Variants in DLX4 observed in about 807,000 individuals in gnomAD.
The protein encoded by DLX4 is homeobox protein DLX-4.
A neutral mutation model predicts 17.1 loss-of-function variants in DLX4; 13 were observed. The ratio of observed to expected loss-of-function variants is 0.76; its 90% confidence interval spans 0.49 to 1.21. The LOEUF (loss-of-function observed/expected upper bound fraction) is 1.21, where lower values mean the gene tolerates loss of function less well. DLX4 is among the 50% of genes most tolerant of loss of function. The pLI is 0.00. For missense variants in DLX4, 297 were observed against 301.4 expected (o/e 0.99, Z 0.11); for synonymous variants, 129 against 140.3 (o/e 0.92, Z 0.57).
Position 49,972,775 on chromosome 17 carries a change from C to G in DLX4, c.284-298C>G. On this transcript the variant is annotated intron_variant, in intron 1 of 2. Coordinates refer to ENST00000240306, the MANE Select transcript of DLX4 (RefSeq NM_138281.3). This position sits in a 1 kb window ranked among gnomAD's most constrained non-coding sequence, Gnocchi z 5.4. The stretch of plus-strand genomic sequence containing the variant: ...GAACTCCGACCTCCCACCGCAGGCG[C>G]CGCGGTACCCTGGCTGTGGCCCTCG... 7.2e-7 allele frequency: 1 copy of G among 1,388,208 alleles called. No homozygotes were observed. The highest frequency in any genetic ancestry group is 9.3e-7 in the Non-Finnish European group (1 of 1,077,342). 86.0% of individuals were successfully genotyped at this position (1,388,208 alleles called of 1,614,324 possible).
chr17:49,969,065 C>A (rs1039964930), upstream of DLX4: 4 of 183,382 alleles, frequency 2.2e-5, no homozygotes, highest in Non-Finnish European at 4.4e-5. Context: ...GCATGCGCAC[C>A]GCCCCTCTCC....
At position 49,972,743 on chromosome 17, in the gene DLX4, C is replaced by A. The variant is rs1905552642; in HGVS notation, c.284-330C>A. 2 of 1,382,548 alleles carry A rather than the reference C, an allele frequency of 1.4e-6. No individual in the cohort carries two copies. Among genetic ancestry groups the A allele is most frequent in the Non-Finnish European group, 1.9e-6 (2 of 1,074,322 alleles). The allele number at this position is 1,382,548 out of a possible 1,614,324, so 85.6% of individuals were successfully genotyped here. Reference sequence around the variant, plus strand: ...CCTACCCCAAGCTGGCGCCACCGCCCGTGGCTGAACTCCGACCTCCCACCG... The same window carrying A: ...CCTACCCCAAGCTGGCGCCACCGCCAGTGGCTGAACTCCGACCTCCCACCG... On this transcript the variant is annotated intron_variant, in intron 1 of 2. Coordinates refer to ENST00000240306, the MANE Select transcript of DLX4 (RefSeq NM_138281.3). The surrounding 1 kb of genome is among the most constrained non-coding windows in gnomAD (Gnocchi z 5.4).
At position 49,974,498 on chromosome 17, in the gene DLX4, G is replaced by T. The variant is rs1396062365; in HGVS notation, c.*555G>T. 1.3e-5 allele frequency: 2 copies of T among 149,366 alleles called. No individual in the cohort carries two copies. The highest frequency in any genetic ancestry group is 3.0e-5 in the Non-Finnish European group (2 of 67,744). 9.3% of individuals were successfully genotyped at this position (149,366 alleles called of 1,614,324 possible). ...AGGTCAGCCCGTTACCCCCATAACT[G>T]ATTTACCTACTTACCATACTGGGAG... On this transcript the variant is annotated 3_prime_UTR_variant, in exon 3 of 3. Transcript: ENST00000240306.
At position 49,969,361 on chromosome 17, in the gene DLX4, T is replaced by C. The variant is rs1355075054; in HGVS notation, c.-108T>C. 3 of 1,298,930 alleles carry C rather than the reference T, an allele frequency of 2.3e-6. No individual in the cohort carries two copies. The allele number at this position is 1,298,930 out of a possible 1,614,324, so 80.5% of individuals were successfully genotyped here. A position where few individuals can be genotyped will look rare whatever the true frequency, so the allele number is the denominator to read the frequency against. On this transcript the variant is annotated 5_prime_UTR_variant, in exon 1 of 3. Transcript: ENST00000240306. ...CCGGGATCTTAAGTGTGGGGGCTGC[T>C]GGCTGGGGGGCCCGTCCGGCCCAAC...
At chr17:49,971,464 C>T (rs1369630802) in intron 1 of DLX4, among the ~76,000 whole-genome samples, 3 of 152,090 alleles carry the variant, frequency 2.0e-5, no homozygotes, top group Non-Finnish European at 2.9e-5. Flanking sequence ...GAGCAGCGGG[C>T]CTGGAGGGAG....
Position 49,972,928 on chromosome 17 carries a change from G to C in DLX4, c.284-145G>C. The stretch of plus-strand genomic sequence containing the variant: ...CTCCACGCGGAAGGTAGAGGGCAGG[G>C]GCCAAGGGGGCGATCCTGGTGGCTG... On this transcript the variant is annotated intron_variant, in intron 1 of 2. Transcript: ENST00000240306. The surrounding 1 kb of genome is among the most constrained non-coding windows in gnomAD (Gnocchi z 5.4). 1 of 1,478,194 alleles carries C rather than the reference G, an allele frequency of 6.8e-7. No homozygotes were observed. The highest frequency in any genetic ancestry group is 9.0e-7 in the Non-Finnish European group (1 of 1,111,482). 91.6% of individuals were successfully genotyped at this position (1,478,194 alleles called of 1,614,324 possible).
In DLX4 at chr17:49,969,440, A is replaced by G. The variant is rs1448490054; in HGVS notation, c.-29A>G. 2.0e-6 allele frequency: 3 copies of G among 1,507,812 alleles called. No individual in the cohort carries two copies. The highest frequency in any genetic ancestry group is 2.8e-5 in the African/African-American group (2 of 71,482). 93.4% of individuals were successfully genotyped at this position (1,507,812 alleles called of 1,614,324 possible). On this transcript the variant is annotated 5_prime_UTR_variant, in exon 1 of 3. It removes an upstream start codon present in the reference 5' UTR. Transcript: ENST00000240306. ...GCGGGAGCGGACTACGTGCCGGGCC[A>G]TGGCCCTTCTGCCCGGGCCCTGGCC...
At position 49,973,995 on chromosome 17, in the gene DLX4, C is replaced by G; in HGVS notation, c.*52C>G. The G allele has an allele frequency of 6.6e-7, 1 of 1,524,630 alleles. No homozygotes were observed. The highest frequency in any genetic ancestry group is 2.0e-5 in the Admixed American group (1 of 49,866). The allele number at this position is 1,524,630 out of a possible 1,614,324, so 94.4% of individuals were successfully genotyped here. On this transcript the variant is annotated 3_prime_UTR_variant, in exon 3 of 3. Transcript: ENST00000240306. ...CAGCCTTCCTGCAAAGCCCAGGACC[C>G]AGGCAGTCCACCTGCACCCCTTCTG...
chr17:49,973,015 TC>T, intron 1 of DLX4, 57 bp from the exon 2 acceptor site: 3 of 1,588,584 alleles, frequency 1.9e-6, no homozygotes, highest in Non-Finnish European at 1.7e-6. Flanking sequence ...TATGAAACTG[TC>T]CGTCCTACCC....
Position 49,973,172 on chromosome 17 carries a change from A to C in DLX4, c.383A>C (p.Gln128Pro). ...RKPRTIYSSL[Q>P]LQHLNQRFQH... ...CCGAGGACCATCTACTCCAGCCTGC[A>C]GCTGCAGCACCTAAACCAGCGTTTC... Residue 128 changes from glutamine (Q) to proline (P), a missense_variant, in exon 2 of 3, where the codon CAG (glutamine) becomes CCG (proline). Coordinates refer to ENST00000240306, the MANE Select transcript of DLX4 (RefSeq NM_138281.3). 6 of 1,614,192 alleles carry C rather than the reference A, an allele frequency of 3.7e-6. No homozygotes were observed. Among genetic ancestry groups the C allele is most frequent in the Non-Finnish European group, 5.1e-6 (6 of 1,180,040 alleles).
chr17:49,970,376 G>C (rs772717459), intron 1 of DLX4, among the ~76,000 whole-genome samples: 5 of 152,206 alleles, frequency 3.3e-5, no homozygotes, highest in Admixed American at 1.3e-4. Context: ...GTTCTGAGAA[G>C]GTAGCCAAAG....
rs772784016 is a variant in DLX4 at position 49,973,976 on chromosome 17, T to C, written c.*33T>C. On this transcript the variant is annotated 3_prime_UTR_variant, in exon 3 of 3. Transcript: ENST00000240306. ...GAAGGGCGGGTCAGGCCCACAGCCT[T>C]CCTGCAAAGCCCAGGACCCAGGCAG... is the stretch of plus-strand genomic sequence containing the variant. The C allele has an allele frequency of 1.3e-6, 2 of 1,568,316 alleles. No individual in the cohort carries two copies.
rs751154415 is a variant in DLX4 at position 49,969,627 on chromosome 17, C to A, written c.159C>A (p.His53Gln). Residue 53 changes from histidine to glutamine, a missense_variant, in exon 1 of 3, where the codon CAC (histidine) becomes CAA (glutamine). His to Gln is a conservative substitution (Grantham distance 24). Transcript: ENST00000240306. ...PNLSYSRPYGHLLSYPYTEPA... is the reference protein window; with the variant it reads ...PNLSYSRPYGQLLSYPYTEPA... Reference sequence around the variant, plus strand: ...TGTCCTACTCCAGGCCGTATGGCCACCTCCTGTCTTACCCCTACACCGAGC... The same window carrying A: ...TGTCCTACTCCAGGCCGTATGGCCAACTCCTGTCTTACCCCTACACCGAGC... The A allele has an allele frequency of 1.2e-6, 2 of 1,613,008 alleles. No homozygotes were observed. Among genetic ancestry groups the A allele is most frequent in the Non-Finnish European group, 1.7e-6 (2 of 1,179,968 alleles).
At position 49,972,535 on chromosome 17, in the gene DLX4, C is replaced by T; in HGVS notation, c.284-538C>T. 5.7e-6 allele frequency: 1 copy of T among 176,242 alleles called. No homozygotes were observed. Among genetic ancestry groups the T allele is most frequent in the Non-Finnish European group, 1.1e-5 (1 of 88,272 alleles). 10.9% of individuals were successfully genotyped at this position (176,242 alleles called of 1,614,324 possible). On this transcript the variant is annotated intron_variant, in intron 1 of 2. Transcript: ENST00000240306. The surrounding 1 kb of genome is among the most constrained non-coding windows in gnomAD (Gnocchi z 5.4). ...AAACCCGGGGTCACTATCAGCGCTG[C>T]GAGACTGGTATTCAAGGTCCTCTCA...
intron 1 of DLX4, among the ~76,000 whole-genome samples, chr17:49,969,966 T>C (rs887868372): frequency 6.6e-6 from 1 of 151,904 alleles, no homozygotes. Context: ...AAAACCGACC[T>C]GGTTTCGATT....
rs1905654861 is a variant in DLX4, at chr17:49,974,613, AC to A, written c.*675del. On this transcript the variant is annotated 3_prime_UTR_variant, in exon 3 of 3. Transcript: ENST00000240306. ...AAAAAAAAAAAAAGCCCTCTTTCCC[AC>A]CCCCTCCCCATCTCCCCTTTTTGAA... is the stretch of plus-strand genomic sequence containing the variant. 3 of 122,578 alleles carry A rather than the reference AC, an allele frequency of 2.4e-5. No homozygotes were observed. 7.6% of individuals were successfully genotyped at this position (122,578 alleles called of 1,614,324 possible).
At chr17:49,973,015 TCCGTCCTA>T in intron 1 of DLX4, 50 bp from the exon 2 acceptor site, 2 of 1,588,584 alleles carry the variant, frequency 1.3e-6, no homozygotes, top group South Asian at 2.2e-5. Context: ...TATGAAACTG[TCCGTCCTA>T]CCCCCTCGCT....
At chr17:49,970,946 C>A (rs1413994466) in intron 1 of DLX4, among the ~76,000 whole-genome samples, 5 of 152,216 alleles carry the variant, frequency 3.3e-5, no homozygotes, top group African/African-American at 7.2e-5. Context: ...TCCAACCCCC[C>A]CAAAATTAAC....
chr17:49,971,172 T>C (rs1905490142), intron 1 of DLX4, among the ~76,000 whole-genome samples: 1 of 152,168 alleles, frequency 6.6e-6, no homozygotes. Flanking sequence ...GCAGTAGGGT[T>C]GGTGTTGTCA....
Sources: allele counts gnomAD v4.1 joint callset (sites outside exome capture counted in the v4.1 genomes callset), GRCh38; gene constraint gnomAD v4.1.1; non-coding constraint Gnocchi (gnomAD v3.1); transcripts MANE v1.5; gene names NCBI Gene and HGNC (gene_info 2026-07-23, HGNC 2026-07-21).